The following MSRA variants were observed in gnomAD, a reference collection of about 807,000 sequenced individuals.
MSRA encodes the protein methionine sulfoxide reductase A, also known as mitochondrial peptide methionine sulfoxide reductase.
In MSRA, 54 loss-of-function variants were observed where a neutral mutation model predicts 31.3. The observed-to-expected ratio is 1.73, with a 90% CI of 1.39 to 2.17. The LOEUF (loss-of-function observed/expected upper bound fraction) is 2.17, where lower values mean the gene tolerates loss of function less well. Among genes scored for constraint, MSRA ranks in the 30% most tolerant of loss-of-function variants. The pLI is 0.00. For missense variants in MSRA, 507 were observed against 300.9 expected, an observed-to-expected ratio of 1.69 and a Z score of -5.07; for synonymous variants, 169 against 116.5, an observed-to-expected ratio of 1.45 and a Z score of -2.90.
At chr8:10,319,747 TAAAAC>T in intron 4 of MSRA, 131 bp from the exon 5 acceptor site, 1 of 442,874 alleles carries the variant, frequency 2.3e-6, no homozygotes, top group Non-Finnish European at 4.0e-6. Flanking sequence ...AACAGAAAAT[TAAAAC>T]AAGCACTTAG....
chr8:10,404,589 G>T (rs1002016608), intron 5 of MSRA, among the ~76,000 whole-genome samples: 3 of 152,252 alleles, frequency 2.0e-5, no homozygotes, highest in African/African-American at 7.2e-5. Context: ...TCTGACAGGT[G>T]CGCGGGCTCT....
intron 5 of MSRA, among the ~76,000 whole-genome samples, chr8:10,351,065 C>A (rs546545534): frequency 2.6e-4 from 40 of 152,212 alleles, no homozygotes; most frequent in Non-Finnish European, 4.4e-4. Flanking sequence ...GCTGCCTATG[C>A]AGCAGAATGC....
chr8:10,417,568 A>T (rs1233544572), intron 5 of MSRA, among the ~76,000 whole-genome samples: 1 of 152,050 alleles, frequency 6.6e-6, no homozygotes, highest in Non-Finnish European at 1.5e-5. Flanking sequence ...TCAGCCAGAG[A>T]TGCAGGAGCC....
At chr8:10,262,119 A>C (rs4570161) in intron 3 of MSRA, among the ~76,000 whole-genome samples, 31,475 of 152,154 alleles carry the variant, frequency 0.21, 3,951 homozygotes, top group Non-Finnish European at 0.29. Flanking sequence ...TATTTTATCT[A>C]TTCAGCTCTT....
At chr8:10,283,188 G>C (rs1050095157) in intron 3 of MSRA, among the ~76,000 whole-genome samples, 59 of 91,430 alleles carry the variant, frequency 6.5e-4, no homozygotes, top group African/African-American at 2.5e-3. Context: ...GCTGGGGAAA[G>C]GTTTGTTGCA....
At chr8:10,299,252 A>C (rs1800712838) in intron 3 of MSRA, among the ~76,000 whole-genome samples, 1 of 152,030 alleles carries the variant, frequency 6.6e-6, no homozygotes, top group African/African-American at 2.4e-5. Flanking sequence ...CTTATATTTT[A>C]GTGTGGTTTC....
chr8:10,279,240 T>C (rs535753764), intron 3 of MSRA, among the ~76,000 whole-genome samples: 4 of 152,342 alleles, frequency 2.6e-5, no homozygotes, highest in African/African-American at 9.6e-5. Context: ...GTGTCTTCCA[T>C]GTAGCCACTC....
At chr8:10,363,038 C>G (rs559234761) in intron 5 of MSRA, among the ~76,000 whole-genome samples, 5 of 152,316 alleles carry the variant, frequency 3.3e-5, no homozygotes, top group East Asian at 3.9e-4. Flanking sequence ...TTCAGTGACC[C>G]TCGCCAGCCT....
intron 1 of MSRA, among the ~76,000 whole-genome samples, chr8:10,059,420 A>G (rs6997865): frequency 0.52 from 78,574 of 152,098 alleles, 22,094 homozygotes; most frequent in Non-Finnish European, 0.62. Flanking sequence ...CATTGCTAAT[A>G]AGTAGTGGAG....
intron 1 of MSRA, among the ~76,000 whole-genome samples, chr8:10,185,837 G>A (rs1042067479): frequency 9.2e-5 from 14 of 152,262 alleles, no homozygotes; most frequent in African/African-American, 2.4e-4. Context: ...GTGCTTTCGT[G>A]TGAATCACCC....
chr8:10,298,068 C>T (rs545747542), intron 3 of MSRA, among the ~76,000 whole-genome samples: 5 of 152,306 alleles, frequency 3.3e-5, no homozygotes, highest in South Asian at 2.1e-4. Flanking sequence ...AATCCTCTTA[C>T]GTCCTCACTG....
At chr8:10,138,797 G>A (rs1802478363) in intron 1 of MSRA, among the ~76,000 whole-genome samples, 1 of 152,188 alleles carries the variant, frequency 6.6e-6, no homozygotes, top group Admixed American at 6.5e-5. Flanking sequence ...CTGTGCTAGT[G>A]CAGAACTAAG....
chr8:10,409,728 G>A (rs1241598957), intron 5 of MSRA, among the ~76,000 whole-genome samples: 1 of 152,208 alleles, frequency 6.6e-6, no homozygotes, highest in Non-Finnish European at 1.5e-5. Flanking sequence ...AGAAACACAG[G>A]ACTTTCACTT....
rs540367160 is a variant in MSRA at position 10,425,291 on chromosome 8, G to A, written c.544-2857G>A. On this transcript the variant is annotated intron_variant, in intron 5 of 5. Transcript: ENST00000317173. ...GGCCCAGGGCGGTGCAGAGGCGTGG[G>A]TGGGCTGCGGTTTCCCTGCTCGCCT... is the stretch of plus-strand genomic sequence containing the variant. Among the ~76,000 whole-genome samples the A allele has an allele frequency of 2.0e-5, 3 of 152,362 alleles. No individual in the cohort carries two copies. In the South Asian group the frequency reaches 6.2e-4, roughly 32 times the overall value.
At chr8:10,115,956 A>G (rs575197992) in intron 1 of MSRA, among the ~76,000 whole-genome samples, 21 of 152,348 alleles carry the variant, frequency 1.4e-4, no homozygotes, top group African/African-American at 4.8e-4. Flanking sequence ...GGGCCAGAAT[A>G]GTTGCCGTCC....
chr8:10,167,466 GTTGT>G (rs956745492), intron 1 of MSRA, among the ~76,000 whole-genome samples: 1 of 152,164 alleles, frequency 6.6e-6, no homozygotes, highest in Non-Finnish European at 1.5e-5. Flanking sequence ...AGTTTGGGGG[GTTGT>G]TTATCAGCAG....
chr8:10,417,103 G>A lies in MSRA; in HGVS notation c.544-11045G>A, dbSNP rs545428371. Among the ~76,000 whole-genome samples, 6 of 152,314 alleles carry A rather than the reference G, an allele frequency of 3.9e-5. No homozygotes were observed. In the South Asian group the frequency reaches 1.0e-3, roughly 26 times the overall value. On this transcript the variant is annotated intron_variant, in intron 5 of 5. Coordinates refer to ENST00000317173, the MANE Select transcript of MSRA (RefSeq NM_012331.5). ...AGCCCCATCCGTCCAGCTAGAGGCC[G>A]TGCATTTGCATAAGCAGGTCTCTTA...
In MSRA at chr8:10,094,912, A is replaced by C. The variant is rs142688518; in HGVS notation, c.142+40254A>C. Among the ~76,000 whole-genome samples, 210 of 152,286 alleles carry C rather than the reference A, an allele frequency of 1.4e-3. 1 individual carries two copies. In the Middle Eastern group the frequency reaches 0.017, roughly 12 times the overall value. ...CCTTAGATGTTTTATTTTCCTTTTT[A>C]TTGTTATTTGTTTTATCAAAAGAAC... is the stretch of plus-strand genomic sequence containing the variant. On this transcript the variant is annotated intron_variant, in intron 1 of 5. Coordinates refer to ENST00000317173, the MANE Select transcript of MSRA (RefSeq NM_012331.5).
intron 1 of MSRA, among the ~76,000 whole-genome samples, chr8:10,128,755 C>T (rs530940946): frequency 6.6e-5 from 10 of 152,324 alleles, no homozygotes; most frequent in African/African-American, 2.2e-4. Context: ...AACTTCTTTT[C>T]TATTCAACTC....
Sources: gnomAD v4.1 joint callset for allele counts (sites outside exome capture counted in the v4.1 genomes callset) on GRCh38, gnomAD v4.1.1 for gene constraint, MANE v1.5 for transcripts, NCBI Gene and HGNC (gene_info 2026-07-23, HGNC 2026-07-21) for gene names.